The following LRRC1 variants were observed in gnomAD, a reference collection of about 807,000 sequenced individuals.
The protein encoded by LRRC1 is leucine-rich repeat-containing protein 1.
LRRC1 carries 28 observed loss-of-function variants against 69.9 expected under a neutral mutation model. The ratio of observed to expected loss-of-function variants is 0.40; its 90% CI spans 0.30 to 0.55. LRRC1 has a LOEUF of 0.55. Ranked by LOEUF, LRRC1 falls within the 20% of genes least tolerant of loss-of-function variation. LRRC1 has a pLI of 0.47. For synonymous variants in LRRC1, 236 were observed against 240.2 expected, an observed-to-expected ratio of 0.98 and a Z score of 0.16; for missense variants, 498 against 609.0, an observed-to-expected ratio of 0.82 and a Z score of 1.92.
chr6:53,910,312 T>C (rs1033304450), intron 10 of LRRC1, among the ~76,000 whole-genome samples: 4 of 152,184 alleles, frequency 2.6e-5, no homozygotes, highest in African/African-American at 9.7e-5. Context: ...AAACAGTGAC[T>C]CTGCTTCCCA....
chr6:53,886,886 A>G (rs562302186), intron 4 of LRRC1, among the ~76,000 whole-genome samples: 98 of 152,342 alleles, frequency 6.4e-4, no homozygotes, highest in African/African-American at 2.3e-3. Flanking sequence ...TTATGTATAT[A>G]ACTGGTGTAT....
chr6:53,922,653 G>A lies in LRRC1; in HGVS notation c.1435G>A (p.Ala479Thr). 6.2e-7 allele frequency: 1 copy of A among 1,613,806 alleles called. No homozygotes were observed. The highest frequency in any genetic ancestry group is 1.1e-5 in the South Asian group (1 of 91,034). Residue 479 changes from alanine to threonine, a missense_variant, in exon 14 of 14, where the codon GCC (alanine) becomes ACC (threonine). Coordinates refer to ENST00000370888, the MANE Select transcript of LRRC1 (RefSeq NM_018214.5). ...DNETRTLLRRATPHPGELKHM... is the reference protein window; with the variant it reads ...DNETRTLLRRTTPHPGELKHM... Reference sequence around the variant, plus strand: ...TTTTTAGAGAACACTTCTAAGGCGAGCCACTCCACACCCAGGGGAGTTAAA... The same window carrying A: ...TTTTTAGAGAACACTTCTAAGGCGAACCACTCCACACCCAGGGGAGTTAAA...
intron 4 of LRRC1, among the ~76,000 whole-genome samples, chr6:53,896,092 A>G (rs1767861268): frequency 6.6e-6 from 1 of 152,234 alleles, no homozygotes; most frequent in Non-Finnish European, 1.5e-5. Flanking sequence ...GAGCTCTGCA[A>G]GACTAAAGGT....
chr6:53,883,039 G>A, intron 4 of LRRC1, 63 bp downstream of exon 4: 2 of 973,154 alleles, frequency 2.1e-6, no homozygotes, highest in Non-Finnish European at 3.2e-6. Context: ...ATCAGCTCTA[G>A]CCTCCTTCCC....
At chr6:53,884,066 ACT>A in intron 4 of LRRC1, 1 of 712,966 alleles carries the variant, frequency 1.4e-6, no homozygotes, top group Middle Eastern at 2.3e-4. Flanking sequence ...CTGCCCTTAA[ACT>A]CTCAGGAGGA....
intron 4 of LRRC1, among the ~76,000 whole-genome samples, chr6:53,890,911 T>C (rs1767658579): frequency 6.6e-6 from 1 of 152,214 alleles, no homozygotes; most frequent in Admixed American, 6.5e-5. Flanking sequence ...TACTCTTTAT[T>C]TTCTTAATGA....
At chr6:53,863,788 A>G (rs1369727317) in intron 2 of LRRC1, among the ~76,000 whole-genome samples, 12 of 152,210 alleles carry the variant, frequency 7.9e-5, no homozygotes, top group Non-Finnish European at 1.5e-4. Flanking sequence ...ATTGCTAACT[A>G]TTTTGATAAT....
At chr6:53,837,153 T>C (rs1403790203) in intron 1 of LRRC1, among the ~76,000 whole-genome samples, 3 of 152,080 alleles carry the variant, frequency 2.0e-5, no homozygotes, top group Non-Finnish European at 4.4e-5. Flanking sequence ...AGTTTTGGGG[T>C]ATTATAAATA....
chr6:53,795,199 G>T lies in LRRC1; in HGVS notation c.-58G>T. ...CTGAGCGGAGCCGCCGGCCAGAGCGGGCTCGGAGCCCGGGTCTCCGCCGCT... is the reference window on the plus strand; with the variant it reads ...CTGAGCGGAGCCGCCGGCCAGAGCGTGCTCGGAGCCCGGGTCTCCGCCGCT... On this transcript the variant is annotated 5_prime_UTR_variant, in exon 1 of 14. Transcript: ENST00000370888. 1 of 1,495,960 alleles carries T rather than the reference G, an allele frequency of 6.7e-7. No homozygotes were observed. Among genetic ancestry groups the T allele is most frequent in the East Asian group, 2.4e-5 (1 of 42,394 alleles). The allele number at this position is 1,495,960 out of a possible 1,614,324, so 92.7% of individuals were successfully genotyped here.
At chr6:53,848,145 C>T (rs1300780393) in intron 2 of LRRC1, among the ~76,000 whole-genome samples, 6 of 152,202 alleles carry the variant, frequency 3.9e-5, no homozygotes, top group Non-Finnish European at 5.9e-5. Flanking sequence ...AAAGGGAGCA[C>T]GCCTCTATGC....
intron 1 of LRRC1, among the ~76,000 whole-genome samples, chr6:53,823,747 G>A (rs546994141): frequency 6.6e-6 from 1 of 151,950 alleles, no homozygotes; most frequent in African/African-American, 2.4e-5. Context: ...GCAATATTTG[G>A]TTTTCTCCTC....
chr6:53,862,987 G>T (rs919801185), intron 2 of LRRC1, among the ~76,000 whole-genome samples: 3 of 152,172 alleles, frequency 2.0e-5, no homozygotes, highest in African/African-American at 7.2e-5. Context: ...TAATCAGCCA[G>T]CCTGTTTGGC....
At chr6:53,860,766 C>T (rs1462874991) in intron 2 of LRRC1, among the ~76,000 whole-genome samples, 1 of 152,162 alleles carries the variant, frequency 6.6e-6, no homozygotes, top group Non-Finnish European at 1.5e-5. Flanking sequence ...GCCTTCAGTG[C>T]AGGCTCTAAA....
At chr6:53,835,957 C>G (rs1010176237) in intron 1 of LRRC1, among the ~76,000 whole-genome samples, 1 of 152,180 alleles carries the variant, frequency 6.6e-6, no homozygotes, top group Non-Finnish European at 1.5e-5. Context: ...GACTTTGTGA[C>G]TTGCTTTGAC....
At chr6:53,857,373 G>A (rs1766345185) in intron 2 of LRRC1, among the ~76,000 whole-genome samples, 1 of 152,200 alleles carries the variant, frequency 6.6e-6, no homozygotes. Flanking sequence ...GAACGACAGA[G>A]CAGAGGTCAT....
chr6:53,840,541 TTC>T (rs1158227554), intron 1 of LRRC1, among the ~76,000 whole-genome samples: 1 of 152,118 alleles, frequency 6.6e-6, no homozygotes, highest in African/African-American at 2.4e-5. Context: ...TTTCCTGTAT[TTC>T]TCTCTTTCAA....
chr6:53,872,488 G>T (rs1766920344), intron 2 of LRRC1, among the ~76,000 whole-genome samples: 1 of 152,070 alleles, frequency 6.6e-6, no homozygotes, highest in Non-Finnish European at 1.5e-5. Context: ...TTGCTTTGTA[G>T]TATGGTAATT....
chr6:53,841,663 T>A (rs1281624516), intron 1 of LRRC1, among the ~76,000 whole-genome samples: 1 of 152,116 alleles, frequency 6.6e-6, no homozygotes, highest in African/African-American at 2.4e-5. Context: ...TGTGGGATAT[T>A]TATTATACTT....
intron 9 of LRRC1, 79 bp downstream of exon 9, chr6:53,902,826 G>T: frequency 1.1e-6 from 1 of 881,420 alleles, no homozygotes; most frequent in Non-Finnish European, 1.7e-6. Flanking sequence ...TGGACTAAAT[G>T]GAAATTTCTT....
Sources: gnomAD v4.1 joint callset for allele counts (sites outside exome capture counted in the v4.1 genomes callset) on GRCh38, gnomAD v4.1.1 for gene constraint, MANE v1.5 for transcripts, NCBI Gene and HGNC (gene_info 2026-07-23, HGNC 2026-07-21) for gene names.